The following TTC28 variants were observed in gnomAD, a reference collection of about 807,000 sequenced individuals.
The protein encoded by TTC28 is tetratricopeptide repeat protein 28.
In TTC28, 61 loss-of-function variants were observed where a neutral mutation model predicts 198.0. The observed-to-expected ratio is 0.31, with a 90% CI of 0.25 to 0.38. The LOEUF (loss-of-function observed/expected upper bound fraction) is 0.38. Ranked by LOEUF, TTC28 falls within the 10% of genes least tolerant of loss-of-function variation. TTC28 has a pLI of 1.00. For synonymous variants in TTC28, 1,171 were observed against 1,297.8 expected (o/e 0.90, Z 2.10); for missense variants, 2,678 against 3,164.0 (o/e 0.85, Z 3.69).
In TTC28 at chr22:28,107,597, T is replaced by C; in HGVS notation, c.2248A>G (p.Arg750Gly). The change falls in exon 7 of 23, where the codon AGA becomes GGA. Residue 750 changes from arginine to glycine, a missense_variant. Arg to Gly is a moderately radical substitution (Grantham distance 125). Around this residue, in one of 8 missense-constraint regions of TTC28, gnomAD observed 775 missense variants for 845.9 expected, o/e 0.92. Transcript: ENST00000397906. Reference protein sequence around the residue: ...QLGLAHQVKDRRLEASAYAAL... With the variant: ...QLGLAHQVKDGRLEASAYAAL... ...GCATATGCACTGGCTTCTAATCTTC[T>C]GTCCTTTACCTGGTGAGCTAAGCCC... The C allele has an allele frequency of 3.2e-6, 5 of 1,551,806 alleles. No homozygotes were observed. Among genetic ancestry groups the C allele is most frequent in the Non-Finnish European group, 4.4e-6 (5 of 1,147,016 alleles).
chr22:28,192,913 A>G (rs1028319269), intron 5 of TTC28, among the ~76,000 whole-genome samples: 3 of 152,228 alleles, frequency 2.0e-5, no homozygotes, highest in African/African-American at 7.2e-5. Context: ...AAGGCAGGCC[A>G]ACATTCAAAT....
chr22:28,033,264 T>G (rs374108473), intron 12 of TTC28, among the ~76,000 whole-genome samples: 2 of 152,186 alleles, frequency 1.3e-5, no homozygotes, highest in East Asian at 3.9e-4. Context: ...AAGCAGGCGA[T>G]GTCACAGATA....
At position 27,989,981 on chromosome 22, in the gene TTC28, C is replaced by T. The variant is rs1569069672; in HGVS notation, c.5604G>A (p.Gln1868=). ...GMLHQVLVQL[Q]AGEKEQDLAS... is the part of the protein sequence containing the mutation. ...CCAAGTCCTGCTCCTTCTCGCCAGC[C>T]TGGAGCTGAACCAGCACCTGGTGGA... The change falls in exon 21 of 23, where the codon CAG becomes CAA. Residue 1868 remains glutamine (Q), a synonymous_variant. Transcript: ENST00000397906. The T allele has an allele frequency of 1.3e-6, 2 of 1,551,172 alleles. No homozygotes were observed. The highest frequency in any genetic ancestry group is 1.7e-6 in the Non-Finnish European group (2 of 1,146,856).
chr22:28,404,172 T>C (rs2046962847), intron 2 of TTC28, among the ~76,000 whole-genome samples: 1 of 152,184 alleles, frequency 6.6e-6, no homozygotes, highest in South Asian at 2.1e-4. Context: ...CAGGTTGGAG[T>C]GCAGTGGCAC....
chr22:28,057,853 C>T (rs565904891), intron 12 of TTC28, among the ~76,000 whole-genome samples: 2 of 152,154 alleles, frequency 1.3e-5, no homozygotes, highest in African/African-American at 4.8e-5. Flanking sequence ...AAAAGACTTT[C>T]CTTTCCCCAT....
intron 1 of TTC28, among the ~76,000 whole-genome samples, chr22:28,653,643 A>C (rs2051598456): frequency 6.6e-6 from 1 of 152,258 alleles, no homozygotes; most frequent in East Asian, 1.9e-4. Flanking sequence ...TCTTCTAGAA[A>C]CCCATTTGTT....
At chr22:28,374,079 C>A (rs1413958803) in intron 2 of TTC28, among the ~76,000 whole-genome samples, 10 of 152,116 alleles carry the variant, frequency 6.6e-5, no homozygotes, top group Non-Finnish European at 1.3e-4. Context: ...GCTATAACTT[C>A]CTTGAAATTG....
At chr22:28,138,265 C>T (rs563375622) in intron 6 of TTC28, among the ~76,000 whole-genome samples, 2 of 152,088 alleles carry the variant, frequency 1.3e-5, no homozygotes, top group Admixed American at 6.5e-5. Flanking sequence ...GAGATACTGT[C>T]GAAAGCTGTT....
At chr22:28,445,318 G>C (rs1601407403) in intron 2 of TTC28, among the ~76,000 whole-genome samples, 1 of 152,208 alleles carries the variant, frequency 6.6e-6, no homozygotes, top group Non-Finnish European at 1.5e-5. Context: ...CCAAAAACCT[G>C]TAAGAAGACA....
chr22:28,590,470 T>C (rs934842824), intron 2 of TTC28, among the ~76,000 whole-genome samples: 1 of 152,148 alleles, frequency 6.6e-6, no homozygotes, highest in African/African-American at 2.4e-5. Context: ...TAATACTCTC[T>C]GGCTAGGTAC....
chr22:28,526,211 C>T (rs2049001344), intron 2 of TTC28, among the ~76,000 whole-genome samples: 1 of 152,134 alleles, frequency 6.6e-6, no homozygotes, highest in Non-Finnish European at 1.5e-5. Context: ...AGTATCTAGT[C>T]TTAAAGCTGA....
chr22:28,561,981 T>C (rs1156745673), intron 2 of TTC28, among the ~76,000 whole-genome samples: 2 of 152,218 alleles, frequency 1.3e-5, no homozygotes, highest in Non-Finnish European at 2.9e-5. Context: ...CTGATTTGTA[T>C]ACCATTATAT....
Position 27,999,047 on chromosome 22 carries a change from T to G in TTC28, c.4612A>C (p.Thr1538Pro). The change falls in exon 16 of 23, where the codon ACC (threonine) becomes CCC (proline). Residue 1538 changes from threonine to proline, a missense_variant. Thr to Pro is a conservative substitution (Grantham distance 38, BLOSUM62 -1). This residue lies in a region of TTC28 where 727 missense variants were observed against 861.9 expected (regional missense o/e 0.84). Transcript: ENST00000397906. ...ATKERVMSAL[T>P]QAECVHFATH... Reference sequence around the variant, plus strand: ...GCAAAGTGGACGCATTCAGCCTGGGTCAGGGCACTCATGACCCTCTCCTTG... The same window carrying G: ...GCAAAGTGGACGCATTCAGCCTGGGGCAGGGCACTCATGACCCTCTCCTTG... 1 of 1,550,312 alleles carries G rather than the reference T, an allele frequency of 6.5e-7. No homozygotes were observed. The highest frequency in any genetic ancestry group is 8.7e-7 in the Non-Finnish European group (1 of 1,146,952).
chr22:28,396,478 T>C (rs2046818280), intron 2 of TTC28, among the ~76,000 whole-genome samples: 1 of 152,218 alleles, frequency 6.6e-6, no homozygotes, highest in African/African-American at 2.4e-5. Flanking sequence ...GCCCAGATCA[T>C]TTCCTCTGTC....
At chr22:28,250,828 A>G (rs1223843327) in intron 5 of TTC28, among the ~76,000 whole-genome samples, 2 of 152,198 alleles carry the variant, frequency 1.3e-5, no homozygotes, top group Admixed American at 6.5e-5. Context: ...TCTGACTGAC[A>G]AACAAACCCT....
At chr22:28,418,920 C>A (rs1193374707) in intron 2 of TTC28, among the ~76,000 whole-genome samples, 1 of 152,158 alleles carries the variant, frequency 6.6e-6, no homozygotes, top group African/African-American at 2.4e-5. Context: ...AGAAGGTTAT[C>A]TTCCAAACCT....
Position 28,639,254 on chromosome 22 carries a change from AAAGAAT to A in TTC28, c.103-9430_103-9425del, listed in dbSNP as rs1202482324. Among the ~76,000 whole-genome samples, 3 of 152,328 alleles carry A rather than the reference AAAGAAT, an allele frequency of 2.0e-5. 1 individual carries two copies. In the South Asian group the frequency reaches 6.2e-4, roughly 32 times the overall value. On this transcript the variant is annotated intron_variant, in intron 1 of 22. Transcript: ENST00000397906. The stretch of plus-strand genomic sequence containing the variant: ...CATGTAATTATTATAAATCCAGCCA[AAAGAAT>A]AAGAAAGATTTTATACGCTGATATA...
chr22:28,353,615 C>A (rs1466920248), intron 2 of TTC28, among the ~76,000 whole-genome samples: 1 of 152,006 alleles, frequency 6.6e-6, no homozygotes, highest in Non-Finnish European at 1.5e-5. Context: ...ACAGTCTTTT[C>A]AAAAAATGGT....
intron 2 of TTC28, among the ~76,000 whole-genome samples, chr22:28,421,262 G>A (rs948986838): frequency 2.6e-5 from 4 of 152,042 alleles, no homozygotes; most frequent in South Asian, 4.1e-4. Flanking sequence ...AAAGGCACGC[G>A]TAACAGATAC....
Sources: allele counts gnomAD v4.1 joint callset (sites outside exome capture counted in the v4.1 genomes callset), GRCh38; gene constraint gnomAD v4.1.1; regional missense constraint gnomAD v4.1.1; transcripts MANE v1.5; gene names NCBI Gene and HGNC (gene_info 2026-07-23, HGNC 2026-07-21).